HTT: variants seen among roughly 807,000 people sequenced by gnomAD.
HTT encodes the protein huntingtin, also known as huntington disease protein.
A neutral mutation model predicts 362.3 loss-of-function variants in HTT; 104 were observed. That is an observed-to-expected ratio of 0.29 (90% CI 0.24 to 0.34). HTT has a LOEUF of 0.34. Among genes scored for constraint, HTT ranks in the 10% least tolerant of loss-of-function variants. HTT has a pLI of 1.00. For synonymous variants in HTT, 1,577 were observed against 1,548.7 expected, an observed-to-expected ratio of 1.02 and a Z score of -0.43; for missense variants, 3,301 against 3,928.6, an observed-to-expected ratio of 0.84 and a Z score of 4.27.
chr4:3,095,521 G>A (rs1713813460), intron 2 of HTT, among the ~76,000 whole-genome samples: 1 of 152,044 alleles, frequency 6.6e-6, no homozygotes, highest in Admixed American at 6.6e-5. Context: ...CTGTGCGAGG[G>A]CGAGGGCGAG....
At position 3,159,176 on chromosome 4, in the gene HTT, A is replaced by C. The variant is rs1578548392; in HGVS notation, c.3754-1106A>C. ...GTGTGGCCCTTCCTGCACTCCTCTG[A>C]TTCCTTTTGTCTTCCCTGGTTTCTT... On this transcript the variant is annotated intron_variant, in intron 28 of 66. Transcript: ENST00000355072. 1.3e-5 allele frequency among the ~76,000 whole-genome samples: 2 copies of C among 151,990 alleles called. 1 individual carries two copies. Among genetic ancestry groups the C allele is most frequent in the South Asian group, 4.2e-4 (2 of 4,802 alleles).
At chr4:3,221,451 T>TCCTTG (rs1001116859) in intron 53 of HTT, among the ~76,000 whole-genome samples, 1 of 152,246 alleles carries the variant, frequency 6.6e-6, no homozygotes, top group African/African-American at 2.4e-5. Flanking sequence ...TGTGCCGCAG[T>TCCTTG]CCTTGCCTTG....
At chr4:3,173,848 T>C (rs938836817) in intron 31 of HTT, among the ~76,000 whole-genome samples, 1 of 152,074 alleles carries the variant, frequency 6.6e-6, no homozygotes, top group Admixed American at 6.5e-5. Flanking sequence ...TTTTTTTGTA[T>C]TTTTAGTAGA....
At position 3,180,516 on chromosome 4, in the gene HTT, C is replaced by CGGT; in HGVS notation, c.4614_4615insGGT (p.Ala1538_Ile1539insGly). On this transcript the variant is annotated inframe_insertion and splice_region_variant, in exon 36 of 67. Coordinates refer to ENST00000355072, the MANE Select transcript of HTT (RefSeq NM_001388492.1). Reference sequence around the variant, plus strand: ...AAGGGTACCCTTTTGTCCCCACAGCCATACCGGCTCTGCAGCCCATAGTCC... The same window carrying CGGT: ...AAGGGTACCCTTTTGTCCCCACAGCCGGTATACCGGCTCTGCAGCCCATAGTCC... The CGGT allele has an allele frequency of 6.3e-7, 1 of 1,599,554 alleles. No individual in the cohort carries two copies. The highest frequency in any genetic ancestry group is 8.5e-7 in the Non-Finnish European group (1 of 1,173,368).
Position 3,127,573 on chromosome 4 carries a change from C to G in HTT, c.1712C>G (p.Ser571Ter). ...SSQTTTEGPDSAVTPSDSSEI... is the reference protein window; with the variant it reads ...SSQTTTEGPD Reference sequence around the variant, plus strand: ...CAGACCACCACCGAAGGGCCTGATTCAGCTGTTACCCCTTCAGACAGTTCT... The same window carrying G: ...CAGACCACCACCGAAGGGCCTGATTGAGCTGTTACCCCTTCAGACAGTTCT... Residue 571 changes from serine (S) to a stop codon, truncating the protein, a stop_gained, in exon 12 of 67, where the codon TCA becomes TGA. Coordinates refer to ENST00000355072, the MANE Select transcript of HTT (RefSeq NM_001388492.1). LOFTEE classifies it high-confidence loss of function. 2 of 1,613,634 alleles carry G rather than the reference C, an allele frequency of 1.2e-6. No individual in the cohort carries two copies. Among genetic ancestry groups the G allele is most frequent in the African/African-American group, 1.3e-5 (1 of 75,050 alleles).
chr4:3,107,747 T>C (rs900737927), intron 6 of HTT, among the ~76,000 whole-genome samples: 1 of 152,236 alleles, frequency 6.6e-6, no homozygotes, highest in Non-Finnish European at 1.5e-5. Context: ...GTGCCAAGAC[T>C]GCAGGTAGGA....
intron 1 of HTT, among the ~76,000 whole-genome samples, chr4:3,077,725 TA>T (rs1712638227): frequency 6.6e-6 from 1 of 152,168 alleles, no homozygotes; most frequent in Non-Finnish European, 1.5e-5. Flanking sequence ...GCTAGAATAA[TA>T]ACTTTTAAAG....
At position 3,166,013 on chromosome 4, in the gene HTT, C is replaced by G. The variant is rs559603589; in HGVS notation, c.3864+5621C>G. Among the ~76,000 whole-genome samples the G allele has an allele frequency of 2.0e-5, 3 of 152,218 alleles. No individual in the cohort carries two copies. In the South Asian group the frequency reaches 6.2e-4, roughly 32 times the overall value. On this transcript the variant is annotated intron_variant, in intron 29 of 66. Coordinates refer to ENST00000355072, the MANE Select transcript of HTT (RefSeq NM_001388492.1). ...GTGTTCTGGTTTTTGGAATTTTCAG[C>G]CTTTCTGCTATGGTTTCTCCCCATC...
At chr4:3,083,450 G>A (rs576288201) in intron 1 of HTT, among the ~76,000 whole-genome samples, 1 of 151,386 alleles carries the variant, frequency 6.6e-6, no homozygotes, top group Non-Finnish European at 1.5e-5. Flanking sequence ...CTTGAGTCCA[G>A]GAGTTTGAGG....
chr4:3,129,985 A>G lies in HTT; in HGVS notation c.1805A>G (p.Asp602Gly). The G allele has an allele frequency of 6.2e-7, 1 of 1,614,016 alleles. No individual in the cohort carries two copies. ...GLQIGQPQDE[D>G]EEATGILPDE... ...CAGATTGGACAGCCCCAGGATGAAG[A>G]TGAGGAAGCCACAGGTATTCTTCCT... Residue 602 changes from aspartate (D) to glycine (G), a missense_variant, in exon 13 of 67, where the codon GAT becomes GGT. Physicochemically the swap from Asp to Gly is moderately conservative, Grantham distance 94 (BLOSUM62 -1). Around this residue, in one of 4 missense-constraint regions of HTT, gnomAD observed 2,316 missense variants for 2,658.5 expected, o/e 0.87. Transcript: ENST00000355072.
rs1265161764 is a variant in HTT, at chr4:3,238,616, T to C, written c.9054+7T>C. ...GGCCACCGTGGTGTATAAGGTGAGGTTGCATGTGGGATGGGGATGGAGTGG... is the reference window on the plus strand; with the variant it reads ...GGCCACCGTGGTGTATAAGGTGAGGCTGCATGTGGGATGGGGATGGAGTGG... On this transcript the variant is annotated splice_region_variant and intron_variant, in intron 65 of 66. Transcript: ENST00000355072. The C allele has an allele frequency of 6.3e-7, 1 of 1,592,074 alleles. No individual in the cohort carries two copies. The highest frequency in any genetic ancestry group is 8.6e-7 in the Non-Finnish European group (1 of 1,167,858).
At chr4:3,094,112 G>T (rs1189940131) in intron 2 of HTT, among the ~76,000 whole-genome samples, 1 of 151,618 alleles carries the variant, frequency 6.6e-6, no homozygotes, top group Non-Finnish European at 1.5e-5. Context: ...AGGGAGTGGT[G>T]ATGACTCTTA....
chr4:3,229,588 ACACACCC>A (rs1396163442), intron 59 of HTT, among the ~76,000 whole-genome samples: 1 of 150,258 alleles, frequency 6.7e-6, no homozygotes, highest in Non-Finnish European at 1.5e-5. Flanking sequence ...ACATGTATAT[ACACACCC>A]CACACCACAC....
Position 3,240,138 on chromosome 4 carries a change from A to T in HTT, c.*79A>T. On this transcript the variant is annotated 3_prime_UTR_variant, in exon 67 of 67. Coordinates refer to ENST00000355072, the MANE Select transcript of HTT (RefSeq NM_001388492.1). ...GTCTGCGCCCTTGTGCCCTGCCTCC[A>T]CCGAGCCAGCTTGGTCCCTATGGGC... 1 of 1,271,176 alleles carries T rather than the reference A, an allele frequency of 7.9e-7. No individual in the cohort carries two copies. The highest frequency in any genetic ancestry group is 1.1e-6 in the Non-Finnish European group (1 of 904,816). The allele number at this position is 1,271,176 out of a possible 1,614,324, so 78.7% of individuals were successfully genotyped here.
intron 29 of HTT, among the ~76,000 whole-genome samples, chr4:3,162,836 A>C (rs919528074): frequency 6.6e-6 from 1 of 152,190 alleles, no homozygotes; most frequent in African/African-American, 2.4e-5. Context: ...CTGAACCAAT[A>C]GGGTTTTCTA....
chr4:3,098,969 C>T (rs547526447), intron 2 of HTT, among the ~76,000 whole-genome samples: 1 of 151,972 alleles, frequency 6.6e-6, no homozygotes, highest in East Asian at 1.9e-4. Context: ...AAAAAATAAA[C>T]TTTATTTTGA....
In HTT at chr4:3,240,122, C is replaced by T. The variant is rs1212121534; in HGVS notation, c.*63C>T. On this transcript the variant is annotated 3_prime_UTR_variant, in exon 67 of 67. Transcript: ENST00000355072. ...GCCGGAGCCTTTGGAAGTCTGCGCCCTTGTGCCCTGCCTCCACCGAGCCAG... is the reference window on the plus strand; with the variant it reads ...GCCGGAGCCTTTGGAAGTCTGCGCCTTTGTGCCCTGCCTCCACCGAGCCAG... 6 of 1,395,486 alleles carry T rather than the reference C, an allele frequency of 4.3e-6. No individual in the cohort carries two copies. Among genetic ancestry groups the T allele is most frequent in the East Asian group, 2.5e-5 (1 of 40,362 alleles). 86.4% of individuals were successfully genotyped at this position (1,395,486 alleles called of 1,614,324 possible).
At chr4:3,237,822 T>C (rs553516095) in intron 64 of HTT, among the ~76,000 whole-genome samples, 111 of 152,182 alleles carry the variant, frequency 7.3e-4, no homozygotes, top group South Asian at 1.5e-3. Flanking sequence ...GGGATACTGC[T>C]CAGGGGGCGT....
intron 12 of HTT, chr4:3,128,832 A>G (rs1282350230): frequency 6.6e-6 from 1 of 152,228 alleles, no homozygotes; most frequent in Non-Finnish European, 1.5e-5. Flanking sequence ...CGCTGGTATT[A>G]AATACATTTA....
Sources: gnomAD v4.1 joint callset for allele counts (sites outside exome capture counted in the v4.1 genomes callset) on GRCh38, gnomAD v4.1.1 for gene constraint, gnomAD v4.1.1 regional missense constraint, MANE v1.5 for transcripts, NCBI Gene and HGNC (gene_info 2026-07-23, HGNC 2026-07-21) for gene names.